Variants in DOCK3 observed in about 807,000 individuals in gnomAD.
DOCK3 encodes dedicator of cytokinesis 3.
A neutral mutation model predicts 265.6 loss-of-function variants in DOCK3; 60 were observed. That is an observed-to-expected ratio of 0.23 (90% CI 0.18 to 0.28). The LOEUF is 0.28. Ranked by LOEUF, DOCK3 falls within the 10% of genes least tolerant of loss-of-function variation. The probability of loss-of-function intolerance (pLI) is 1.00; values close to 1 mark genes in which losing one functional copy is unlikely to be tolerated. For missense variants in DOCK3, 1,981 were observed against 2,594.3 expected, an observed-to-expected ratio of 0.76 and a Z score of 5.14; for synonymous variants, 881 against 938.0, an observed-to-expected ratio of 0.94 and a Z score of 1.11.
chr3:50,820,650 T>C (rs952542619), intron 2 of DOCK3, among the ~76,000 whole-genome samples: 5 of 152,196 alleles, frequency 3.3e-5, no homozygotes, highest in Non-Finnish European at 7.3e-5. Context: ...TACGTGTGTC[T>C]TTTTGGTAGA....
intron 7 of DOCK3, among the ~76,000 whole-genome samples, chr3:51,076,370 G>T (rs1414449538): frequency 6.6e-6 from 1 of 152,190 alleles, no homozygotes; most frequent in Admixed American, 6.5e-5. Context: ...GAAGGCTGAA[G>T]TGATAGGATC....
chr3:50,970,922 T>C (rs2077196248), intron 5 of DOCK3, among the ~76,000 whole-genome samples: 1 of 72,016 alleles, frequency 1.4e-5, no homozygotes, highest in Non-Finnish European at 2.7e-5. Flanking sequence ...TATATATATA[T>C]ATATATATAT....
chr3:51,072,861 C>G (rs2081927939), intron 6 of DOCK3, among the ~76,000 whole-genome samples: 1 of 151,596 alleles, frequency 6.6e-6, no homozygotes. Flanking sequence ...CATGCCATCA[C>G]AACCTGGCTA....
Position 51,339,000 on chromosome 3 carries a change from C to A in DOCK3, c.3738C>A (p.Asp1246Glu). 1.2e-6 allele frequency: 2 copies of A among 1,605,126 alleles called. No individual in the cohort carries two copies. The highest frequency in any genetic ancestry group is 1.7e-5 in the Admixed American group (1 of 59,130). Residue 1246 changes from aspartate to glutamate, a missense_variant, in exon 37 of 53, where the codon GAC becomes GAA. Physicochemically the swap from Asp to Glu is conservative, Grantham distance 45. Transcript: ENST00000266037. ...TCCGCTACATCCATAAGCTTTGTGA[C>A]ATGCACTTGCAGGCCGAAAACTACA... ...MYIRYIHKLC[D>E]MHLQAENYTE... is the part of the protein sequence containing the mutation.
chr3:50,909,534 G>A (rs1400888353), intron 4 of DOCK3, among the ~76,000 whole-genome samples: 1 of 151,648 alleles, frequency 6.6e-6, no homozygotes, highest in Non-Finnish European at 1.5e-5. Flanking sequence ...TTGAATATTG[G>A]CTTCCAATCT....
At chr3:51,109,341 A>G (rs1296852646) in intron 9 of DOCK3, among the ~76,000 whole-genome samples, 1 of 152,202 alleles carries the variant, frequency 6.6e-6, no homozygotes, top group Non-Finnish European at 1.5e-5. Flanking sequence ...CAAAGATACA[A>G]CATATGAGGA....
intron 3 of DOCK3, among the ~76,000 whole-genome samples, chr3:50,851,493 C>T (rs531193508): frequency 6.6e-6 from 1 of 152,252 alleles, no homozygotes; most frequent in Admixed American, 6.5e-5. Flanking sequence ...GGTCAATGTC[C>T]ATAAAGGATG....
chr3:50,757,281 C>T (rs1215810172), intron 1 of DOCK3, among the ~76,000 whole-genome samples: 12 of 145,810 alleles, frequency 8.2e-5, no homozygotes, highest in African/African-American at 3.0e-4. Context: ...AGCGATTTCT[C>T]CTGCCTCAGC....
intron 21 of DOCK3, among the ~76,000 whole-genome samples, chr3:51,246,320 C>T (rs111525158): frequency 0.014 from 2,033 of 149,078 alleles, 55 homozygotes; most frequent in African/African-American, 0.046. Context: ...GCAGCCTTTA[C>T]CTCCTGGGCT....
intron 5 of DOCK3, among the ~76,000 whole-genome samples, chr3:51,014,582 T>C (rs1322018317): frequency 6.6e-6 from 1 of 152,150 alleles, no homozygotes; most frequent in Non-Finnish European, 1.5e-5. Context: ...TTGTTATTAA[T>C]GTGATTCCTC....
At chr3:50,986,084 A>T (rs968651723) in intron 5 of DOCK3, among the ~76,000 whole-genome samples, 5 of 152,044 alleles carry the variant, frequency 3.3e-5, no homozygotes, top group African/African-American at 1.2e-4. Flanking sequence ...TATTTCCAGT[A>T]CAACGTTGAT....
chr3:50,874,066 G>GTT (rs3043436), intron 3 of DOCK3, among the ~76,000 whole-genome samples: 8,604 of 106,130 alleles, frequency 0.081, 498 homozygotes, highest in African/African-American at 0.19. Flanking sequence ...CTTTTCTTTT[G>GTT]TTTTTTTTTT....
chr3:50,767,375 C>A (rs1303495641), intron 1 of DOCK3, among the ~76,000 whole-genome samples: 2 of 152,152 alleles, frequency 1.3e-5, no homozygotes, highest in African/African-American at 2.4e-5. Context: ...TTAAATAGGG[C>A]ATCCTTTCCC....
At chr3:51,036,810 G>A (rs2080289466) in intron 5 of DOCK3, among the ~76,000 whole-genome samples, 1 of 152,082 alleles carries the variant, frequency 6.6e-6, no homozygotes, top group African/African-American at 2.4e-5. Context: ...TTGAATCATG[G>A]GGTGGGTCTT....
At chr3:50,858,059 A>C (rs1372407700) in intron 3 of DOCK3, among the ~76,000 whole-genome samples, 1 of 152,216 alleles carries the variant, frequency 6.6e-6, no homozygotes, top group African/African-American at 2.4e-5. Flanking sequence ...CTGAATTAAG[A>C]ATATGTGGCA....
intron 32 of DOCK3, among the ~76,000 whole-genome samples, chr3:51,321,515 T>C (rs1435737553): frequency 6.6e-6 from 1 of 152,078 alleles, no homozygotes; most frequent in East Asian, 1.9e-4. Context: ...GGAAGGTGGG[T>C]AATAACAAAC....
At chr3:51,162,387 G>A (rs2086182915) in intron 12 of DOCK3, among the ~76,000 whole-genome samples, 1 of 152,224 alleles carries the variant, frequency 6.6e-6, no homozygotes, top group South Asian at 2.1e-4. Context: ...TATGGGATGA[G>A]GATCTTCCTT....
chr3:51,142,203 T>G (rs1161974287), intron 9 of DOCK3, among the ~76,000 whole-genome samples: 1 of 152,130 alleles, frequency 6.6e-6, no homozygotes, highest in Non-Finnish European at 1.5e-5. Context: ...AGATATAAAT[T>G]TTCTTAGGTG....
intron 12 of DOCK3, among the ~76,000 whole-genome samples, chr3:51,190,940 A>G (rs1290200774): frequency 6.6e-6 from 1 of 152,162 alleles, no homozygotes; most frequent in Non-Finnish European, 1.5e-5. Flanking sequence ...GTAATGTTCC[A>G]TGGAGGAAGG....
Sources: allele counts gnomAD v4.1 joint callset (sites outside exome capture counted in the v4.1 genomes callset), GRCh38; gene constraint gnomAD v4.1.1; transcripts MANE v1.5; gene names NCBI Gene and HGNC (gene_info 2026-07-23, HGNC 2026-07-21).